NDUFA10: variants seen among roughly 807,000 people sequenced by gnomAD.
The protein encoded by NDUFA10 is NADH dehydrogenase [ubiquinone] 1 alpha subcomplex subunit 10, mitochondrial.
NDUFA10 carries 40 observed loss-of-function variants against 47.8 expected under a neutral mutation model. The observed-to-expected ratio is 0.84, with a 90% CI of 0.65 to 1.09. The LOEUF is 1.09. Ranked by LOEUF, NDUFA10 falls within the 50% of genes least tolerant of loss-of-function variation. The pLI is 0.00. For synonymous variants in NDUFA10, 183 were observed against 172.2 expected (o/e 1.06, Z -0.49); for missense variants, 413 against 451.1 (o/e 0.92, Z 0.76).
downstream of NDUFA10, among the ~76,000 whole-genome samples, chr2:239,954,814 G>GCGCT (rs1559310866): frequency 6.6e-6 from 1 of 151,530 alleles, no homozygotes; most frequent in Non-Finnish European, 1.5e-5. Context: ...CCCCCAAGTG[G>GCGCT]GTTGGCAGGT....
At chr2:239,948,707 G>A (rs932319471) in intron 4 of NDUFA10, among the ~76,000 whole-genome samples, 24 of 152,194 alleles carry the variant, frequency 1.6e-4, no homozygotes, top group African/African-American at 3.9e-4. Flanking sequence ...GCCTGACGAC[G>A]CAACTCAGTA....
intron 4 of NDUFA10, among the ~76,000 whole-genome samples, chr2:239,913,393 C>T (rs893682872): frequency 1.3e-5 from 2 of 152,238 alleles, no homozygotes; most frequent in Non-Finnish European, 2.9e-5. Context: ...ACGGGTCCTA[C>T]AGGACTCTGC....
intron 4 of NDUFA10, among the ~76,000 whole-genome samples, chr2:239,926,712 G>A (rs1694072973): frequency 6.6e-6 from 1 of 152,164 alleles, no homozygotes; most frequent in Admixed American, 6.5e-5. Flanking sequence ...AATTCCATGT[G>A]TGCTACTGCT....
intron 5 of NDUFA10, 25 bp downstream of exon 5, chr2:240,014,714 G>A (rs1346092727): frequency 1.2e-6 from 2 of 1,614,070 alleles, no homozygotes. Flanking sequence ...AGAGATGCTT[G>A]GCCTTTGATT....
Position 240,011,670 on chromosome 2 carries a change from G to A in NDUFA10, c.696C>T (p.Ala232=). ...AGGCATTCTCAATGTCCTGTAGATA[G>A]GCAGAGGTGATCTTCATTTCATGTG... ...GDPHEMKITS[A]YLQDIENAYK... is the part of the protein sequence containing the mutation. The change falls in exon 6 of 10, where the codon GCC becomes GCT. Residue 232 remains alanine (A), a synonymous_variant. Coordinates refer to ENST00000252711, the MANE Select transcript of NDUFA10 (RefSeq NM_004544.4). 6.2e-7 allele frequency: 1 copy of A among 1,613,542 alleles called. No homozygotes were observed. Among genetic ancestry groups the A allele is most frequent in the Non-Finnish European group, 8.5e-7 (1 of 1,179,408 alleles).
chr2:239,924,808 A>G (rs1694042484), intron 4 of NDUFA10, among the ~76,000 whole-genome samples: 1 of 152,090 alleles, frequency 6.6e-6, no homozygotes, highest in Non-Finnish European at 1.5e-5. Context: ...CATAGAAATT[A>G]TCTCCCCTCA....
At position 240,016,559 on chromosome 2, in the gene NDUFA10, C is replaced by G. The variant is rs918689460; in HGVS notation, c.548-1699G>C. 6.6e-6 allele frequency among the ~76,000 whole-genome samples: 1 copy of G among 152,162 alleles called. No individual in the cohort carries two copies. Among genetic ancestry groups the G allele is most frequent in the African/African-American group, 2.4e-5 (1 of 41,430 alleles). ...GTGACAGTCACTTCTCAGTTCCCATCAGAGTCACAGCACATGTGACACCAA... is the reference window on the plus strand; with the variant it reads ...GTGACAGTCACTTCTCAGTTCCCATGAGAGTCACAGCACATGTGACACCAA... On this transcript the variant is annotated intron_variant, in intron 4 of 9. Coordinates refer to ENST00000252711, the MANE Select transcript of NDUFA10 (RefSeq NM_004544.4). The surrounding 1 kb of genome is among the most constrained non-coding windows in gnomAD (Gnocchi z 4.4).
chr2:239,983,615 A>T, intron 9 of NDUFA10: 1 of 1,590,726 alleles, frequency 6.3e-7, no homozygotes, highest in Admixed American at 1.8e-5. Context: ...CTCAGCCAGG[A>T]GCCCACGGTC....
At chr2:240,021,890 T>C (rs1697636994) in intron 2 of NDUFA10, among the ~76,000 whole-genome samples, 1 of 152,244 alleles carries the variant, frequency 6.6e-6, no homozygotes, top group Non-Finnish European at 1.5e-5. Context: ...CGACAGTTTA[T>C]GTGGAAGTGC....
rs954060589 is a variant in NDUFA10, at chr2:239,978,153, G to A, written c.999+11921C>T. Among the ~76,000 whole-genome samples, 6 of 152,110 alleles carry A rather than the reference G, an allele frequency of 3.9e-5. No individual in the cohort carries two copies. In the East Asian group the frequency reaches 5.8e-4, roughly 15 times the overall value. On this transcript the variant is annotated intron_variant, in intron 9 of 9. Coordinates refer to ENST00000252711, the MANE Select transcript of NDUFA10 (RefSeq NM_004544.4). ...CCTCTGGGATCCCTGCTCCATCAAC[G>A]GTCCCATTCCTCTCTTGCATCTTTT...
chr2:239,926,064 C>T (rs1357684588), intron 4 of NDUFA10, among the ~76,000 whole-genome samples: 2 of 152,274 alleles, frequency 1.3e-5, no homozygotes, highest in East Asian at 3.9e-4. Context: ...TGGTACCCCA[C>T]TCTGGGAAAC....
chr2:240,001,854 C>A lies in NDUFA10; in HGVS notation c.890+3356G>T, dbSNP rs186154903. ...TTCTACATTCAGACACCTCAGAGGA[C>A]CCCTCTAATTTCTGGTCGGTCGCCC... On this transcript the variant is annotated intron_variant, in intron 8 of 9. Transcript: ENST00000252711. 2.0e-3 allele frequency among the ~76,000 whole-genome samples: 304 copies of A among 152,262 alleles called. 1 individual carries two copies. The highest frequency in any genetic ancestry group is 6.5e-3 in the African/African-American group (269 of 41,542).
chr2:240,008,828 C>A (rs1697038924), intron 6 of NDUFA10, among the ~76,000 whole-genome samples: 1 of 152,228 alleles, frequency 6.6e-6, no homozygotes, highest in Admixed American at 6.5e-5. Flanking sequence ...CTGATGAGAG[C>A]AACCTGGAGA....
At chr2:239,998,466 G>A (rs999405967) in intron 8 of NDUFA10, among the ~76,000 whole-genome samples, 4 of 152,090 alleles carry the variant, frequency 2.6e-5, no homozygotes, top group Admixed American at 6.6e-5. Flanking sequence ...CCTTTCCTTC[G>A]CCACACACAG....
At chr2:239,956,022 A>C (rs10933618), downstream of NDUFA10, among the ~76,000 whole-genome samples, 117,083 of 151,990 alleles carry the variant, frequency 0.77, 45,456 homozygotes, top group African/African-American at 0.87. Flanking sequence ...GGAAAGGGGG[A>C]AAAAAACAGC....
Position 240,016,105 on chromosome 2 carries a change from C to T in NDUFA10, c.548-1245G>A, listed in dbSNP as rs964351655. Among the ~76,000 whole-genome samples, 5 of 152,232 alleles carry T rather than the reference C, an allele frequency of 3.3e-5. No individual in the cohort carries two copies. Among genetic ancestry groups the T allele is most frequent in the African/African-American group, 4.8e-5 (2 of 41,530 alleles). On this transcript the variant is annotated intron_variant, in intron 4 of 9. Transcript: ENST00000252711. The surrounding 1 kb of genome is among the most constrained non-coding windows in gnomAD (Gnocchi z 4.4). ...CCAGTGAGCATTCCTAGTAACCTCA[C>T]TCTAGAGGCAACTGTGGGATGAGCC...
intron 4 of NDUFA10, among the ~76,000 whole-genome samples, chr2:239,915,888 GAC>G (rs1212192641): frequency 2.8e-5 from 4 of 144,712 alleles, no homozygotes; most frequent in East Asian, 2.1e-4. Flanking sequence ...CACACAGAGA[GAC>G]ACACAGAGAT....
At chr2:239,946,132 T>A (rs1330108400) in intron 4 of NDUFA10, among the ~76,000 whole-genome samples, 1 of 152,102 alleles carries the variant, frequency 6.6e-6, no homozygotes, top group Non-Finnish European at 1.5e-5. Flanking sequence ...TCCAGTGACT[T>A]CTCGAAGTCG....
At chr2:239,966,026 C>A (rs972688268) in intron 9 of NDUFA10, among the ~76,000 whole-genome samples, 4 of 152,166 alleles carry the variant, frequency 2.6e-5, no homozygotes, top group Non-Finnish European at 5.9e-5. Context: ...GGAAAAAAAA[C>A]CTCAATAAAT....
Sources: allele counts gnomAD v4.1 joint callset (sites outside exome capture counted in the v4.1 genomes callset), GRCh38; gene constraint gnomAD v4.1.1; non-coding constraint Gnocchi (gnomAD v3.1); transcripts MANE v1.5; gene names NCBI Gene and HGNC (gene_info 2026-07-23, HGNC 2026-07-21).